The following DENND6B variants were observed in gnomAD, a reference collection of about 807,000 sequenced individuals.
DENND6B encodes the protein protein DENND6B.
A neutral mutation model predicts 85.1 loss-of-function variants in DENND6B; 73 were observed. The observed-to-expected ratio is 0.86, with a 90% CI of 0.71 to 1.04. The LOEUF (loss-of-function observed/expected upper bound fraction) is 1.04, where lower values mean the gene tolerates loss of function less well. Among genes scored for constraint, DENND6B ranks in the 50% least tolerant of loss-of-function variants. DENND6B has a pLI of 0.00. For missense variants in DENND6B, 715 were observed against 785.8 expected, an observed-to-expected ratio of 0.91 and a Z score of 1.08; for synonymous variants, 357 against 329.3, an observed-to-expected ratio of 1.08 and a Z score of -0.91.
At chr22:50,317,546 G>A (rs1372043890) in intron 4 of DENND6B, among the ~76,000 whole-genome samples, 173 bp from the exon 5 acceptor site, 2 of 152,128 alleles carry the variant, frequency 1.3e-5, no homozygotes, top group African/African-American at 2.4e-5. Flanking sequence ...AGGCCAGGAG[G>A]TCCTGGGCTC....
chr22:50,323,983 C>G (rs1307872761), intron 1 of DENND6B, among the ~76,000 whole-genome samples: 4 of 152,166 alleles, frequency 2.6e-5, no homozygotes, highest in South Asian at 2.1e-4. Flanking sequence ...GATCCTCCTG[C>G]CTCGGCCTCC....
chr22:50,316,818 C>T, intron 5 of DENND6B: 2 of 1,182,738 alleles, frequency 1.7e-6, no homozygotes, highest in Non-Finnish European at 2.2e-6. Context: ...TGCCCTGACA[C>T]TGACAGTGTG....
chr22:50,317,227 C>T (rs1406079898), intron 5 of DENND6B, 66 bp downstream of exon 5: 1 of 1,580,106 alleles, frequency 6.3e-7, no homozygotes, highest in Admixed American at 1.7e-5. Context: ...CGCCCACAGC[C>T]CCTCCTGCTG....
Position 50,319,468 on chromosome 22 carries a change from G to A in DENND6B, c.178-465C>T, listed in dbSNP as rs528266680. The A allele has an allele frequency of 3.1e-4, 305 of 985,320 alleles. No individual in the cohort carries two copies. The African/African-American group carries it at 3.8e-3, about 12-fold the overall frequency. The allele number at this position is 985,320 out of a possible 1,614,324, so 61.0% of individuals were successfully genotyped here. A position where few individuals can be genotyped will look rare whatever the true frequency, so the allele number is the denominator to read the frequency against. On this transcript the variant is annotated intron_variant, in intron 1 of 19. Transcript: ENST00000413817. ...GCCCAGACTGCAGTTGGGCCCCCCT[G>A]CCCCTACCCACCCGGACATCTGTTC...
rs1043773583 is a variant in DENND6B at position 50,315,001 on chromosome 22, C to T, written c.759-80G>A. On this transcript the variant is annotated intron_variant, in intron 9 of 19. Coordinates refer to ENST00000413817, the MANE Select transcript of DENND6B (RefSeq NM_001001794.4). ...CTGGCCCCGCTCTCCCACCGTTCAC[C>T]CAGGCTGGCCCAGGCACTGGTGAAC... The T allele has an allele frequency of 7.0e-6, 11 of 1,562,184 alleles. No homozygotes were observed. In the East Asian group the frequency reaches 2.3e-4, roughly 32 times the overall value.
intron 3 of DENND6B, 145 bp downstream of exon 3, chr22:50,318,702 C>A (rs1022612842): frequency 2.5e-6 from 3 of 1,197,310 alleles, no homozygotes; most frequent in Non-Finnish European, 3.6e-6. Flanking sequence ...GGTGCCTCCA[C>A]GGAGTGGGCA....
Position 50,312,208 on chromosome 22 carries a change from T to C in DENND6B, c.1689A>G (p.Ala563=), listed in dbSNP as rs757880150. The part of the protein sequence containing the change: ...LPVKEATLQR[A]QLYIETVIGS... ...CGATGACCGTCTCGATGTACAGCTGTGCCCGCTGCAGCGTAGCCTCCTTCA... is the reference window on the plus strand; with the variant it reads ...CGATGACCGTCTCGATGTACAGCTGCGCCCGCTGCAGCGTAGCCTCCTTCA... The change falls in exon 20 of 20, where the codon GCA becomes GCG. Residue 563 remains alanine, a synonymous_variant. Transcript: ENST00000413817. The C allele has an allele frequency of 2.5e-6, 4 of 1,612,174 alleles. No individual in the cohort carries two copies. In the African/African-American group the frequency reaches 4.0e-5, roughly 16 times the overall value.
At chr22:50,315,070 T>G (rs964031301) in intron 9 of DENND6B, 149 bp from the exon 10 acceptor site, 24 of 1,175,126 alleles carry the variant, frequency 2.0e-5, no homozygotes, top group Non-Finnish European at 2.7e-5. Context: ...TCTGAAGATG[T>G]GTCTCGGGTA....
At chr22:50,321,281 C>T (rs549265195) in intron 1 of DENND6B, among the ~76,000 whole-genome samples, 4 of 152,318 alleles carry the variant, frequency 2.6e-5, no homozygotes, top group Non-Finnish European at 4.4e-5. Flanking sequence ...TCCCAGAAGC[C>T]GCGGTGTGTC....
chr22:50,319,563 C>G (rs1178069251), intron 1 of DENND6B: 1 of 969,390 alleles, frequency 1.0e-6, no homozygotes. Context: ...GGGGCTCCAC[C>G]TGGCCGGCCC....
chr22:50,313,113 G>GA lies in DENND6B; in HGVS notation c.1348-6dup. ...GGGCTGGATCTGGGGGGGAGTCTGAGAGGGGATGGGTGAGCCAGCACGTGG... is the reference window on the plus strand; with the variant it reads ...GGGCTGGATCTGGGGGGGAGTCTGAGAAGGGGATGGGTGAGCCAGCACGTGG... On this transcript the variant is annotated splice_region_variant and splice_polypyrimidine_tract_variant and intron_variant, in intron 16 of 19. Transcript: ENST00000413817. 1.9e-6 allele frequency: 3 copies of GA among 1,552,332 alleles called. No homozygotes were observed. The highest frequency in any genetic ancestry group is 2.6e-6 in the Non-Finnish European group (3 of 1,148,052).
Position 50,312,376 on chromosome 22 carries a change from G to C in DENND6B, c.1602C>G (p.Val534=), listed in dbSNP as rs199861645. Residue 534 remains valine, a synonymous_variant, in exon 19 of 20, where the codon GTC becomes GTG. Coordinates refer to ENST00000413817, the MANE Select transcript of DENND6B (RefSeq NM_001001794.4). ...TWMKDKSEVE[V]VDLVLKLREK... is the part of the protein sequence containing the mutation. ...CACGAAGTTTCAGGACCAGGTCCACGACCTCCACCTCGGACTTGTCTTTCA... is the reference window on the plus strand; with the variant it reads ...CACGAAGTTTCAGGACCAGGTCCACCACCTCCACCTCGGACTTGTCTTTCA... 5.6e-6 allele frequency: 9 copies of C among 1,611,754 alleles called. No individual in the cohort carries two copies. The highest frequency in any genetic ancestry group is 1.3e-5 in the African/African-American group (1 of 74,860).
intron 1 of DENND6B, chr22:50,319,593 G>A (rs886490627): frequency 1.3e-5 from 12 of 893,226 alleles, no homozygotes; most frequent in African/African-American, 3.6e-5. Context: ...CTCACCACCC[G>A]CCAAGCCAGA....
At chr22:50,324,033 C>G (rs1055974443) in intron 1 of DENND6B, among the ~76,000 whole-genome samples, 8 of 152,150 alleles carry the variant, frequency 5.3e-5, no homozygotes, top group Non-Finnish European at 8.8e-5. Context: ...GCGCCCAGCC[C>G]AAGAGGTGAG....
chr22:50,312,058 C>T lies in DENND6B; in HGVS notation c.*81G>A. The T allele has an allele frequency of 6.5e-7, 1 of 1,545,734 alleles. No homozygotes were observed. Among genetic ancestry groups the T allele is most frequent in the South Asian group, 1.2e-5 (1 of 81,004 alleles). On this transcript the variant is annotated 3_prime_UTR_variant, in exon 20 of 20. Transcript: ENST00000413817. Reference sequence around the variant, plus strand: ...GGGGGCCAAGGAAGGGGAGCGTGTGCTTGGCCCAGTGCCGCCACCACTGGG... The same window carrying T: ...GGGGGCCAAGGAAGGGGAGCGTGTGTTTGGCCCAGTGCCGCCACCACTGGG...
Position 50,317,957 on chromosome 22 carries a change from C to A in DENND6B, c.323G>T (p.Trp108Leu). The A allele has an allele frequency of 6.2e-7, 1 of 1,612,202 alleles. No individual in the cohort carries two copies. The highest frequency in any genetic ancestry group is 8.5e-7 in the Non-Finnish European group (1 of 1,179,690). The change falls in exon 4 of 20, where the codon TGG (tryptophan) becomes TTG (leucine). Residue 108 changes from tryptophan to leucine, a missense_variant. Trp to Leu is a moderately conservative substitution (Grantham distance 61, BLOSUM62 -2). Coordinates refer to ENST00000413817, the MANE Select transcript of DENND6B (RefSeq NM_001001794.4). ...GTTGTAGTGCCTGTCGTCGGCATGC[C>A]AGGGGCTCCTCTGCCCTCCACACTG... is the stretch of plus-strand genomic sequence containing the variant. Reference protein sequence around the residue: ...MRQCGGQRSPWHADDRHYNSR... With the variant: ...MRQCGGQRSPLHADDRHYNSR...
intron 1 of DENND6B, among the ~76,000 whole-genome samples, chr22:50,322,638 C>G (rs1424885806): frequency 6.6e-6 from 1 of 152,172 alleles, no homozygotes; most frequent in African/African-American, 2.4e-5. Context: ...CAACCTTTGC[C>G]TCCCAGGTTC....
intron 9 of DENND6B, among the ~76,000 whole-genome samples, chr22:50,315,479 G>C (rs1399293675): frequency 6.6e-6 from 1 of 152,158 alleles, no homozygotes; most frequent in African/African-American, 2.4e-5. Flanking sequence ...TCCTCTTCTA[G>C]ACAATTCTCC....
At chr22:50,315,622 A>G in intron 9 of DENND6B, 92 bp downstream of exon 9, 1 of 1,386,012 alleles carries the variant, frequency 7.2e-7, no homozygotes, top group Non-Finnish European at 9.8e-7. Flanking sequence ...ACGCACACAC[A>G]TACTCACACA....
Sources: allele counts gnomAD v4.1 joint callset (sites outside exome capture counted in the v4.1 genomes callset), GRCh38; gene constraint gnomAD v4.1.1; transcripts MANE v1.5; gene names NCBI Gene and HGNC (gene_info 2026-07-23, HGNC 2026-07-21).